IL2RB: variants seen among roughly 807,000 people sequenced by gnomAD.
IL2RB encodes the protein interleukin 2 receptor subunit beta.
In IL2RB, 17 loss-of-function variants were observed where a neutral mutation model predicts 44.2. The observed-to-expected ratio is 0.38, with a 90% CI of 0.26 to 0.58. The LOEUF (loss-of-function observed/expected upper bound fraction) is 0.58. Among genes scored for constraint, IL2RB ranks in the 20% least tolerant of loss-of-function variants. The pLI is 0.63. For missense variants in IL2RB, 624 were observed against 685.5 expected (o/e 0.91, Z 1.00); for synonymous variants, 286 against 297.9 (o/e 0.96, Z 0.41).
At chr22:37,154,917 C>A (rs1473088640) in intron 1 of IL2RB, among the ~76,000 whole-genome samples, 1 of 152,150 alleles carries the variant, frequency 6.6e-6, no homozygotes, top group Non-Finnish European at 1.5e-5. Flanking sequence ...TGCCAGAATC[C>A]AGTGAAGTTT....
At chr22:37,135,242 TTGTGTGCG>T (rs1921625023) in intron 8 of IL2RB, 78 bp downstream of exon 8, 1 of 854,874 alleles carries the variant, frequency 1.2e-6, no homozygotes, top group African/African-American at 1.7e-5. Context: ...GTATGTGTGC[TTGTGTGCG>T]TGTGTGTGCA....
At chr22:37,173,219 G>C (rs1037416167) in intron 1 of IL2RB, among the ~76,000 whole-genome samples, 1 of 152,034 alleles carries the variant, frequency 6.6e-6, no homozygotes, top group Non-Finnish European at 1.5e-5. Flanking sequence ...GGCCTTCCCT[G>C]ACCACTTCTC....
chr22:37,128,292 G>T lies in IL2RB; in HGVS notation c.1460C>A (p.Pro487Gln), dbSNP rs1055051479. The T allele has an allele frequency of 8.0e-6, 12 of 1,499,814 alleles. No homozygotes were observed. The African/African-American group carries it at 1.7e-4, about 21-fold the overall frequency. The allele number at this position is 1,499,814 out of a possible 1,614,324, so 92.9% of individuals were successfully genotyped here. The change falls in exon 10 of 10, where the codon CCA becomes CAA. Residue 487 changes from proline to glutamine, a missense_variant. Transcript: ENST00000216223. The surrounding 1 kb of genome is among the most constrained non-coding windows in gnomAD (Gnocchi z 4.5). ...PGVPDLVDFQPPPELVLREAG... is the reference protein window; with the variant it reads ...PGVPDLVDFQQPPELVLREAG... ...CTCTCGCAGCACCAGCTCAGGGGGT[G>T]GCTGAAAATCCACCAGGTCTGGGAC...
chr22:37,149,979 G>A (rs1003987585), upstream of IL2RB: 2 of 924,318 alleles, frequency 2.2e-6, no homozygotes, highest in Admixed American at 6.2e-5. Flanking sequence ...AGAGGATAGA[G>A]GGGCAAGGCC....
At chr22:37,160,835 C>T (rs891342621) in intron 1 of IL2RB, among the ~76,000 whole-genome samples, 3 of 151,788 alleles carry the variant, frequency 2.0e-5, no homozygotes, top group Admixed American at 6.6e-5. Flanking sequence ...CAGAGCGAGA[C>T]TCAGTCTCAA....
intron 4 of IL2RB, 107 bp from the exon 5 acceptor site, chr22:37,139,329 G>A (rs760890250): frequency 2.3e-5 from 16 of 699,184 alleles, no homozygotes; most frequent in African/African-American, 1.1e-4. Flanking sequence ...CACATGCCCC[G>A]CCACCCAAGG....
At chr22:37,154,976 C>T (rs1922629704) in intron 1 of IL2RB, among the ~76,000 whole-genome samples, 1 of 152,330 alleles carries the variant, frequency 6.6e-6, no homozygotes, top group African/African-American at 2.4e-5. Flanking sequence ...CACCCCTCCT[C>T]AGACAATTCA....
At chr22:37,164,727 C>T (rs2145739321) in intron 1 of IL2RB, among the ~76,000 whole-genome samples, 1 of 152,194 alleles carries the variant, frequency 6.6e-6, no homozygotes, top group Middle Eastern at 3.4e-3. Context: ...GCTCCAGCAT[C>T]ACCGAGGCTC....
intron 1 of IL2RB, among the ~76,000 whole-genome samples, chr22:37,147,344 G>A (rs1366770980): frequency 6.6e-6 from 1 of 152,222 alleles, no homozygotes; most frequent in Non-Finnish European, 1.5e-5. Flanking sequence ...AGACTGCCCA[G>A]TGCCCAGGCA....
chr22:37,173,041 C>G lies in IL2RB; in HGVS notation c.-34+1917G>C, dbSNP rs374127572. The stretch of plus-strand genomic sequence containing the variant: ...GGCCCACTGGACAAGATCGAATATC[C>G]CAGGTCCTGCAAAACCTGGCTCCTT... On this transcript the variant is annotated intron_variant, in intron 1 of 5. Coordinates refer to the IL2RB transcript ENST00000429622. 3.3e-5 allele frequency among the ~76,000 whole-genome samples: 5 copies of G among 152,296 alleles called. No homozygotes were observed. The East Asian group carries it at 9.6e-4, about 29-fold the overall frequency.
intron 6 of IL2RB, among the ~76,000 whole-genome samples, chr22:37,136,998 TG>T (rs1277143245): frequency 6.6e-6 from 1 of 152,162 alleles, no homozygotes; most frequent in Non-Finnish European, 1.5e-5. Context: ...CTTGCCCCGT[TG>T]GGTTTTCTTG....
chr22:37,144,650 C>T (rs753158701), intron 1 of IL2RB, among the ~76,000 whole-genome samples: 1 of 152,120 alleles, frequency 6.6e-6, no homozygotes, highest in South Asian at 2.1e-4. Flanking sequence ...GAGTCTAAGA[C>T]AGGAGAATTG....
At position 37,128,982 on chromosome 22, in the gene IL2RB, T is replaced by G; in HGVS notation, c.904-134A>C. 9.2e-7 allele frequency: 1 copy of G among 1,090,594 alleles called. No individual in the cohort carries two copies. Among genetic ancestry groups the G allele is most frequent in the South Asian group, 1.7e-5 (1 of 59,566 alleles). 67.6% of individuals were successfully genotyped at this position (1,090,594 alleles called of 1,614,324 possible). A position where few individuals can be genotyped will look rare whatever the true frequency, so the allele number is the denominator to read the frequency against. ...CCCAGGGCTGCCCCATCCAGGAAGC[T>G]CTCCCTGATTATAGCCCCGCACTCC... On this transcript the variant is annotated intron_variant, in intron 9 of 9. Transcript: ENST00000216223. This position sits in a 1 kb window ranked among gnomAD's most constrained non-coding sequence, Gnocchi z 4.5.
intron 1 of IL2RB, among the ~76,000 whole-genome samples, chr22:37,149,437 AG>A (rs1250606511): frequency 6.6e-6 from 1 of 151,828 alleles, no homozygotes; most frequent in East Asian, 1.9e-4. Context: ...AGAGGTCAGG[AG>A]GGGGCTCCCG....
At chr22:37,144,378 C>G (rs899760659) in intron 1 of IL2RB, among the ~76,000 whole-genome samples, 173 bp from the exon 2 acceptor site, 6 of 152,376 alleles carry the variant, frequency 3.9e-5, no homozygotes, top group African/African-American at 1.4e-4. Flanking sequence ...TACACATGCT[C>G]ACACCCTTCC....
At chr22:37,140,286 C>CATTATTATT (rs58127106) in intron 4 of IL2RB, among the ~76,000 whole-genome samples, 22 of 145,488 alleles carry the variant, frequency 1.5e-4, no homozygotes, top group Admixed American at 4.8e-4. Flanking sequence ...ATAGTAGTCT[C>CATTATTATT]ATTATTATTA....
chr22:37,153,004 G>C (rs566140419), upstream of IL2RB, among the ~76,000 whole-genome samples: 150 of 136,840 alleles, frequency 1.1e-3, 2 homozygotes, highest in South Asian at 0.014. Context: ...GCACAATCTC[G>C]GCTCACTGCA....
At chr22:37,167,300 C>T (rs191327500) in intron 1 of IL2RB, among the ~76,000 whole-genome samples, 37 of 152,214 alleles carry the variant, frequency 2.4e-4, no homozygotes, top group African/African-American at 8.9e-4. Flanking sequence ...CAAGCGCTCA[C>T]AGTCCTCTAC....
chr22:37,156,643 C>G (rs1042014651), intron 1 of IL2RB, among the ~76,000 whole-genome samples: 1 of 152,238 alleles, frequency 6.6e-6, no homozygotes, highest in African/African-American at 2.4e-5. Context: ...TTCCCCAAAG[C>G]TGCCGTAGCC....
Sources: allele counts gnomAD v4.1 joint callset (sites outside exome capture counted in the v4.1 genomes callset), GRCh38; gene constraint gnomAD v4.1.1; non-coding constraint Gnocchi (gnomAD v3.1); transcripts MANE v1.5; gene names NCBI Gene and HGNC (gene_info 2026-07-23, HGNC 2026-07-21).